Variants in CREB5 observed in about 807,000 individuals in gnomAD.
CREB5 encodes the protein cAMP responsive element binding protein 5.
Under a neutral mutation model 57.1 loss-of-function variants are expected in CREB5, and 19 were observed. The observed-to-expected ratio is 0.33, with a 90% CI of 0.23 to 0.49. The LOEUF (loss-of-function observed/expected upper bound fraction) is 0.49. Among genes scored for constraint, CREB5 ranks in the 20% least tolerant of loss-of-function variants. The pLI, the probability that CREB5 is intolerant of heterozygous loss-of-function variation, is 0.99. For synonymous variants in CREB5, 238 were observed against 238.3 expected, an observed-to-expected ratio of 1.00 and a Z score of 0.01; for missense variants, 579 against 671.6, an observed-to-expected ratio of 0.86 and a Z score of 1.52.
intron 4 of CREB5, among the ~76,000 whole-genome samples, chr7:28,530,597 C>T (rs1455677963): frequency 2.0e-5 from 3 of 152,160 alleles, no homozygotes; most frequent in African/African-American, 4.8e-5. Flanking sequence ...GAAGGAGCTG[C>T]GATTATCATA....
At chr7:28,784,665 C>G (rs1807206057) in intron 7 of CREB5, among the ~76,000 whole-genome samples, 1 of 152,014 alleles carries the variant, frequency 6.6e-6, no homozygotes, top group South Asian at 2.1e-4. Flanking sequence ...TGTCTGCTAC[C>G]CTGGCAGGAA....
At chr7:28,622,066 C>T (rs1797815411) in intron 5 of CREB5, among the ~76,000 whole-genome samples, 1 of 152,156 alleles carries the variant, frequency 6.6e-6, no homozygotes, top group Non-Finnish European at 1.5e-5. Flanking sequence ...ATGATTAACA[C>T]TGTGATATGA....
At chr7:28,436,853 G>C (rs59075698) in intron 1 of CREB5, among the ~76,000 whole-genome samples, 7 of 152,084 alleles carry the variant, frequency 4.6e-5, no homozygotes, top group Non-Finnish European at 1.0e-4. Context: ...AATGGGATGT[G>C]GGGGGAACAG....
intron 3 of CREB5, among the ~76,000 whole-genome samples, chr7:28,497,065 T>A (rs1792088216): frequency 6.6e-6 from 1 of 152,184 alleles, no homozygotes. Context: ...TCTCCCTTTA[T>A]TTTTCCCAAA....
chr7:28,698,411 C>T (rs934494397), intron 5 of CREB5, among the ~76,000 whole-genome samples: 3 of 150,074 alleles, frequency 2.0e-5, no homozygotes, highest in African/African-American at 2.5e-5. Flanking sequence ...ATTAAAGTTT[C>T]GAGTCAGGCA....
chr7:28,396,641 A>G lies in CREB5; in HGVS notation c.-25+97200A>G, dbSNP rs186950332. ...ATCAGAGGCTTAGTGCACAGGAAAT[A>G]TATTTTTTTCTATAAGTTTCCTGTG... On this transcript the variant is annotated intron_variant, in intron 1 of 9. Transcript: ENST00000396299. Among the ~76,000 whole-genome samples, 168 of 152,302 alleles carry G rather than the reference A, an allele frequency of 1.1e-3. 1 individual carries two copies. Among genetic ancestry groups the G allele is most frequent in the African/African-American group, 4.0e-3 (165 of 41,560 alleles).
At chr7:28,367,818 A>G (rs2191829) in intron 1 of CREB5, among the ~76,000 whole-genome samples, 92,083 of 143,902 alleles carry the variant, frequency 0.64, 29,485 homozygotes, top group South Asian at 0.75. Context: ...AAAACAAACA[A>G]ACAGACAAAC....
chr7:28,533,511 G>C lies in CREB5; in HGVS notation c.291+25774G>C, dbSNP rs182963535. On this transcript the variant is annotated intron_variant, in intron 4 of 10. Coordinates refer to ENST00000357727, the MANE Select transcript of CREB5 (RefSeq NM_182898.4). The stretch of plus-strand genomic sequence containing the variant: ...GACACTGACTTCAGTCATACTGTCA[G>C]TAAGTCATTTCAGAAAGCACCACAG... Among the ~76,000 whole-genome samples the C allele has an allele frequency of 4.9e-3, 751 of 152,348 alleles. 3 individuals carry two copies. Among genetic ancestry groups the C allele is most frequent in the Admixed American group, 0.014 (213 of 15,312 alleles).
intron 4 of CREB5, among the ~76,000 whole-genome samples, chr7:28,569,372 C>G (rs1404511902): frequency 6.6e-6 from 1 of 152,140 alleles, no homozygotes; most frequent in Non-Finnish European, 1.5e-5. Flanking sequence ...ACCTTTCGGT[C>G]CCAATGTGTT....
At position 28,365,180 on chromosome 7, in the gene CREB5, C is replaced by T. The variant is rs963836483; in HGVS notation, c.-25+65739C>T. ...TCTGGTCCTTTCTATTCTTCCATCT[C>T]GTTTACTCTATTAATGTCATTGCAA... On this transcript the variant is annotated intron_variant, in intron 1 of 9. Coordinates refer to the CREB5 transcript ENST00000396299. 8.5e-5 allele frequency among the ~76,000 whole-genome samples: 13 copies of T among 152,314 alleles called. No homozygotes were observed. The South Asian group carries it at 1.2e-3, about 15-fold the overall frequency.
intron 4 of CREB5, among the ~76,000 whole-genome samples, chr7:28,546,646 G>T (rs1794435306): frequency 6.6e-6 from 1 of 152,144 alleles, no homozygotes; most frequent in Non-Finnish European, 1.5e-5. Context: ...TTTATTTATG[G>T]CAATGATTAT....
intron 4 of CREB5, among the ~76,000 whole-genome samples, chr7:28,569,997 A>G (rs1795633407): frequency 6.6e-6 from 1 of 152,230 alleles, no homozygotes; most frequent in South Asian, 2.1e-4. Context: ...ATGCAGAGTG[A>G]CTATTCACTA....
chr7:28,408,389 A>C (rs1227665279), upstream of CREB5, among the ~76,000 whole-genome samples: 1 of 152,192 alleles, frequency 6.6e-6, no homozygotes, highest in Non-Finnish European at 1.5e-5. Context: ...CAAAGGGAGA[A>C]CTTCTGAAAG....
intron 2 of CREB5, among the ~76,000 whole-genome samples, chr7:28,492,865 A>G (rs1791866624): frequency 6.6e-6 from 1 of 151,990 alleles, no homozygotes; most frequent in South Asian, 2.1e-4. Flanking sequence ...TCTCTAAATC[A>G]CACGTGGTAG....
In CREB5 at chr7:28,520,376, G is replaced by A. The variant is rs571476097; in HGVS notation, c.291+12639G>A. On this transcript the variant is annotated intron_variant, in intron 4 of 10. Coordinates refer to ENST00000357727, the MANE Select transcript of CREB5 (RefSeq NM_182898.4). ...CCATTTGACATATTAGCCAGTTGGG[G>A]CATGAGGTCCAAACAAGAATTACTC... is the stretch of plus-strand genomic sequence containing the variant. Among the ~76,000 whole-genome samples the A allele has an allele frequency of 5.8e-4, 88 of 152,256 alleles. 2 individuals carry two copies. The highest frequency in any genetic ancestry group is 2.0e-3 in the African/African-American group (85 of 41,548).
At chr7:28,395,946 CAGAA>C (rs1787326737) in intron 1 of CREB5, among the ~76,000 whole-genome samples, 1 of 152,114 alleles carries the variant, frequency 6.6e-6, no homozygotes, top group Admixed American at 6.5e-5. Flanking sequence ...ACGCCAACTG[CAGAA>C]AGAAAGATCT....
intron 1 of CREB5, among the ~76,000 whole-genome samples, chr7:28,481,104 C>G (rs1236127703): frequency 6.6e-6 from 1 of 152,192 alleles, no homozygotes; most frequent in African/African-American, 2.4e-5. Context: ...AGGACGTGAG[C>G]CCCCAGCACT....
At position 28,507,789 on chromosome 7, in the gene CREB5, C is replaced by T. The variant is rs374079519; in HGVS notation, c.291+52C>T. ...AGAGGTGTCCTGCTAGAAACTTCCA[C>T]GAGGAAACTAGGTGGCACTGCACTG... On this transcript the variant is annotated intron_variant, in intron 4 of 10. Transcript: ENST00000357727. 151 of 1,551,372 alleles carry T rather than the reference C, an allele frequency of 9.7e-5. 2 individuals are homozygous for T. In the African/African-American group the frequency reaches 1.6e-3, roughly 16 times the overall value.
intron 9 of CREB5, among the ~76,000 whole-genome samples, chr7:28,815,623 TG>T (rs1809392500): frequency 6.6e-6 from 1 of 152,186 alleles, no homozygotes; most frequent in South Asian, 2.1e-4. Context: ...CTTTGCTAAC[TG>T]TAGAAACCCA....
Sources: allele counts gnomAD v4.1 joint callset (sites outside exome capture counted in the v4.1 genomes callset), GRCh38; gene constraint gnomAD v4.1.1; transcripts MANE v1.5; gene names NCBI Gene and HGNC (gene_info 2026-07-23, HGNC 2026-07-21).